CDYL: variants seen among roughly 807,000 people sequenced by gnomAD.
CDYL encodes chromodomain Y-like protein.
In CDYL, 8 loss-of-function variants were observed where a neutral mutation model predicts 47.3. The ratio of observed to expected loss-of-function variants is 0.17; its 90% confidence interval spans 0.10 to 0.31. The LOEUF (loss-of-function observed/expected upper bound fraction) is 0.31, where lower values mean the gene tolerates loss of function less well. Ranked by LOEUF, CDYL falls within the 10% of genes least tolerant of loss-of-function variation. The pLI, the probability that CDYL is intolerant of heterozygous loss-of-function variation, is 1.00. For missense variants in CDYL, 471 were observed against 701.4 expected (o/e 0.67, Z 3.71); for synonymous variants, 266 against 265.0 (o/e 1.00, Z -0.04).
At chr6:4,853,193 T>A (rs1760902984) in intron 1 of CDYL, among the ~76,000 whole-genome samples, 1 of 152,234 alleles carries the variant, frequency 6.6e-6, no homozygotes, top group Non-Finnish European at 1.5e-5. Context: ...ATGCAGTTGA[T>A]GACAGTAATT....
At chr6:4,791,730 C>T (rs1208111369) in intron 1 of CDYL, among the ~76,000 whole-genome samples, 1 of 151,874 alleles carries the variant, frequency 6.6e-6, no homozygotes, top group Non-Finnish European at 1.5e-5. Context: ...AAGTCCCATG[C>T]CCTACCACCC....
chr6:4,733,745 C>T (rs1357631135), intron 2 of CDYL, among the ~76,000 whole-genome samples: 7 of 152,136 alleles, frequency 4.6e-5, no homozygotes. Flanking sequence ...TAAGGCCAGG[C>T]TTGCAGTCCC....
intron 4 of CDYL, among the ~76,000 whole-genome samples, chr6:4,939,996 G>A (rs1758316196): frequency 2.0e-5 from 3 of 149,830 alleles, no homozygotes. Flanking sequence ...CTCGCCGGGT[G>A]CAGCTCACTC....
At chr6:4,895,564 T>C (rs189068215) in intron 2 of CDYL, among the ~76,000 whole-genome samples, 9 of 151,814 alleles carry the variant, frequency 5.9e-5, no homozygotes, top group East Asian at 1.9e-4. Context: ...TGTATATATA[T>C]ACACACATTT....
At chr6:4,871,487 A>G (rs988155372) in intron 1 of CDYL, among the ~76,000 whole-genome samples, 6 of 152,180 alleles carry the variant, frequency 3.9e-5, no homozygotes, top group Admixed American at 2.0e-4. Context: ...TAGGGGTTCA[A>G]TAAATATTGC....
At chr6:4,874,895 C>T (rs1172400330) in intron 1 of CDYL, among the ~76,000 whole-genome samples, 1 of 152,102 alleles carries the variant, frequency 6.6e-6, no homozygotes, top group Non-Finnish European at 1.5e-5. Flanking sequence ...GGATGGTGAG[C>T]AGTGTTCCAT....
At chr6:4,805,139 C>G (rs1000145097) in intron 1 of CDYL, among the ~76,000 whole-genome samples, 4 of 152,166 alleles carry the variant, frequency 2.6e-5, no homozygotes, top group African/African-American at 9.7e-5. Context: ...ACACTAAAAA[C>G]TAGTATATGC....
At chr6:4,901,467 C>A (rs1223364127) in intron 2 of CDYL, among the ~76,000 whole-genome samples, 2 of 152,148 alleles carry the variant, frequency 1.3e-5, no homozygotes, top group African/African-American at 4.8e-5. Context: ...TAGCCTCTTC[C>A]GAGCATGCTA....
At position 4,954,299 on chromosome 6, in the gene CDYL, G is replaced by T; in HGVS notation, c.*243G>T. 1 of 357,268 alleles carries T rather than the reference G, an allele frequency of 2.8e-6. No homozygotes were observed. The highest frequency in any genetic ancestry group is 4.3e-5 in the Admixed American group (1 of 23,090). The allele number at this position is 357,268 out of a possible 1,614,324, so 22.1% of individuals were successfully genotyped here. A position where few individuals can be genotyped will look rare whatever the true frequency, so the allele number is the denominator to read the frequency against. On this transcript the variant is annotated 3_prime_UTR_variant, in exon 7 of 7. Transcript: ENST00000397588. ...TTATTTTATACTTATATACACGCAG[G>T]TGTAAAAGTATAAAGGTGAGCACTA...
chr6:4,759,399 A>G (rs1306234972), intron 3 of CDYL, among the ~76,000 whole-genome samples: 1 of 152,174 alleles, frequency 6.6e-6, no homozygotes, highest in African/African-American at 2.4e-5. Flanking sequence ...TTCACTTTCC[A>G]TCTTATTTAA....
At chr6:4,953,340 C>T (rs1000764063) in intron 6 of CDYL, among the ~76,000 whole-genome samples, 7 of 151,656 alleles carry the variant, frequency 4.6e-5, no homozygotes, top group Non-Finnish European at 8.8e-5. Flanking sequence ...GCGGAGATCC[C>T]GCCACTGCTG....
chr6:4,707,105 T>A (rs1257176197), intron 1 of CDYL, among the ~76,000 whole-genome samples: 1 of 152,042 alleles, frequency 6.6e-6, no homozygotes, highest in Non-Finnish European at 1.5e-5. Flanking sequence ...AAGTCAAATA[T>A]CCAAGAAGAG....
chr6:4,840,113 T>A (rs1273525780), intron 1 of CDYL, among the ~76,000 whole-genome samples: 1 of 152,180 alleles, frequency 6.6e-6, no homozygotes, highest in Admixed American at 6.5e-5. Flanking sequence ...TTTTGTAGTT[T>A]TTCTTGTAGA....
upstream of CDYL, among the ~76,000 whole-genome samples, chr6:4,772,235 GA>G: frequency 6.6e-6 from 1 of 152,330 alleles, no homozygotes; most frequent in Non-Finnish European, 1.5e-5. Context: ...AGGGCAAAGA[GA>G]TGAAACAACT....
In CDYL at chr6:4,847,346, CCTGT is replaced by C. The variant is rs1329568103; in HGVS notation, c.25-44360_25-44357del. 6.6e-5 allele frequency among the ~76,000 whole-genome samples: 10 copies of C among 152,332 alleles called. No homozygotes were observed. The East Asian group carries it at 1.2e-3, about 18-fold the overall frequency. ...GGTCCCCAGTGTCCTGTTTAGTGGA[CCTGT>C]CTGTCTTTTTCCCCACATTCTTTCA... On this transcript the variant is annotated intron_variant, in intron 1 of 6. Coordinates refer to ENST00000397588, the MANE Select transcript of CDYL (RefSeq NM_004824.4).
intron 1 of CDYL, among the ~76,000 whole-genome samples, chr6:4,801,728 A>G (rs1210040315): frequency 6.6e-6 from 1 of 152,110 alleles, no homozygotes; most frequent in Non-Finnish European, 1.5e-5. Context: ...GGATTCCCCT[A>G]GTTTCTAGCA....
At chr6:4,817,285 A>C (rs1282119782) in intron 1 of CDYL, among the ~76,000 whole-genome samples, 1 of 152,022 alleles carries the variant, frequency 6.6e-6, no homozygotes, top group Non-Finnish European at 1.5e-5. Flanking sequence ...TCAGGCCTTT[A>C]ATTACAGGTA....
At chr6:4,800,323 A>G (rs1368172577) in intron 1 of CDYL, among the ~76,000 whole-genome samples, 1 of 152,036 alleles carries the variant, frequency 6.6e-6, no homozygotes, top group Non-Finnish European at 1.5e-5. Flanking sequence ...TTTTTCTTTA[A>G]TATTGAATCA....
In CDYL at chr6:4,713,583, TAGA is replaced by T. The variant is rs1561818704; in HGVS notation, c.-38-2157_-38-2155del. Among the ~76,000 whole-genome samples the T allele has an allele frequency of 9.4e-5, 13 of 138,164 alleles. No individual in the cohort carries two copies. In the South Asian group the frequency reaches 1.6e-3, roughly 17 times the overall value. The allele number at this position is 138,164 out of a possible 152,430, so 90.6% of individuals were successfully genotyped here. On this transcript the variant is annotated intron_variant, in intron 1 of 8. Transcript: ENST00000328908. ...ACAGAGTCTTAAAACTTCTATCATT[TAGA>T]TTCTTTTTTTTTTTTTTTGGAGACA...
Sources: allele counts gnomAD v4.1 joint callset (sites outside exome capture counted in the v4.1 genomes callset), GRCh38; gene constraint gnomAD v4.1.1; transcripts MANE v1.5; gene names NCBI Gene and HGNC (gene_info 2026-07-23, HGNC 2026-07-21).